The following SKP2 variants were observed in gnomAD, a reference collection of about 807,000 sequenced individuals.
SKP2 encodes the protein S-phase kinase-associated protein 2.
SKP2 carries 16 observed loss-of-function variants against 51.8 expected under a neutral mutation model. That is an observed-to-expected ratio of 0.31 (90% CI 0.21 to 0.47). SKP2 has a LOEUF of 0.47. SKP2 is among the 20% of genes least tolerant of loss of function. SKP2 has a pLI of 1.00. For missense variants in SKP2, 377 were observed against 505.3 expected (o/e 0.75, Z 2.43); for synonymous variants, 176 against 198.6 (o/e 0.89, Z 0.96).
chr5:36,176,312 A>G (rs903852659), intron 7 of SKP2, among the ~76,000 whole-genome samples: 1 of 151,784 alleles, frequency 6.6e-6, no homozygotes. Context: ...TACTTTTTAA[A>G]TTGTTTTAAT....
intron 3 of SKP2, among the ~76,000 whole-genome samples, chr5:36,165,634 T>C (rs1745259411): frequency 6.6e-6 from 1 of 152,324 alleles, no homozygotes; most frequent in Non-Finnish European, 1.5e-5. Context: ...TTTTTAATGA[T>C]AGATTTGTCA....
At chr5:36,164,997 A>G (rs1745242556) in intron 3 of SKP2, among the ~76,000 whole-genome samples, 1 of 152,188 alleles carries the variant, frequency 6.6e-6, no homozygotes, top group Non-Finnish European at 1.5e-5. Flanking sequence ...TGTATACTAT[A>G]TCTTGGGATG....
rs927696449 is a variant in SKP2, at chr5:36,182,018, C to T, written c.1262C>T (p.Pro421Leu). Residue 421 changes from proline (P) to leucine (L), a missense_variant, in exon 10 of 10, where the codon CCC becomes CTC. By Grantham distance (98) the Pro-to-Leu change is moderately conservative. Around this residue, in one of 2 missense-constraint regions of SKP2, gnomAD observed 262 missense variants for 389.8 expected, o/e 0.67. Coordinates refer to ENST00000274255, the MANE Select transcript of SKP2 (RefSeq NM_005983.4). ...AAATGCCGACTGACACTGCAAAAGC[C>T]CAGTTGTCTATGAAGTATTTATTGC... Reference protein sequence around the residue: ...GIKCRLTLQKPSCL With the variant: ...GIKCRLTLQKLSCL 1.2e-6 allele frequency: 2 copies of T among 1,614,034 alleles called. No individual in the cohort carries two copies. The highest frequency in any genetic ancestry group is 1.7e-6 in the Non-Finnish European group (2 of 1,179,970).
At chr5:36,163,305 C>T (rs1202516027) in intron 2 of SKP2, among the ~76,000 whole-genome samples, 1 of 152,100 alleles carries the variant, frequency 6.6e-6, no homozygotes, top group African/African-American at 2.4e-5. Flanking sequence ...CTCTTCATGC[C>T]ACAGCCTCCG....
intron 2 of SKP2, 151 bp from the exon 3 acceptor site, chr5:36,163,494 A>G: frequency 1.6e-6 from 1 of 615,076 alleles, no homozygotes; most frequent in Non-Finnish European, 3.0e-6. Flanking sequence ...TGATTTTTCA[A>G]ACAAAAATAA....
downstream of SKP2, among the ~76,000 whole-genome samples, chr5:36,186,360 GC>G (rs1475970396): frequency 6.6e-6 from 1 of 152,138 alleles, no homozygotes. Context: ...TCCAGTTTTT[GC>G]CCATTCAGTA....
At chr5:36,155,786 G>A (rs1579547303) in intron 2 of SKP2, among the ~76,000 whole-genome samples, 3 of 152,296 alleles carry the variant, frequency 2.0e-5, no homozygotes, top group South Asian at 4.1e-4. Context: ...TTTTGACATA[G>A]AGTGTGATTG....
chr5:36,162,592 C>T (rs1244512650), intron 2 of SKP2, among the ~76,000 whole-genome samples: 1 of 152,230 alleles, frequency 6.6e-6, no homozygotes, highest in Non-Finnish European at 1.5e-5. Flanking sequence ...TGTTTTGGGT[C>T]TGATTTACTA....
chr5:36,186,506 T>TG (rs1745957043), downstream of SKP2, among the ~76,000 whole-genome samples: 1 of 152,236 alleles, frequency 6.6e-6, no homozygotes, highest in Non-Finnish European at 1.5e-5. Context: ...GAGATAATCA[T>TG]GTGGTTTTTG....
Position 36,162,182 on chromosome 5 carries a change from C to T in SKP2, c.281-1463C>T, listed in dbSNP as rs182702371. On this transcript the variant is annotated intron_variant, in intron 2 of 9. Coordinates refer to ENST00000274255, the MANE Select transcript of SKP2 (RefSeq NM_005983.4). The stretch of plus-strand genomic sequence containing the variant: ...TCTAGTGGTGCCTCATAGAATTCAG[C>T]GTCAAAGCCAAAGGCTTTATCATGA... Among the ~76,000 whole-genome samples, 519 of 152,304 alleles carry T rather than the reference C, an allele frequency of 3.4e-3. 4 individuals are homozygous for T. Among genetic ancestry groups the T allele is most frequent in the Middle Eastern group, 6.8e-3 (2 of 294 alleles).
Position 36,152,873 on chromosome 5 carries a change from G to T in SKP2, c.111G>T (p.Gly37=), listed in dbSNP as rs1470689956. 2.5e-6 allele frequency: 4 copies of T among 1,614,080 alleles called. No homozygotes were observed. The highest frequency in any genetic ancestry group is 2.5e-6 in the Non-Finnish European group (3 of 1,180,030). Residue 37 remains glycine, a synonymous_variant, in exon 2 of 10, where the codon GGG becomes GGT. Coordinates refer to ENST00000274255, the MANE Select transcript of SKP2 (RefSeq NM_005983.4). ...SKTSELLSGM[G]VSALEKEEPD... ...CTTCTGAACTGCTGTCAGGCATGGGGGTCTCCGCCCTGGAGAAAGAGGAGC... is the reference window on the plus strand; with the variant it reads ...CTTCTGAACTGCTGTCAGGCATGGGTGTCTCCGCCCTGGAGAAAGAGGAGC...
intron 7 of SKP2, 49 bp downstream of exon 7, chr5:36,171,782 T>G: frequency 6.4e-7 from 1 of 1,567,928 alleles, no homozygotes; most frequent in Non-Finnish European, 8.8e-7. Context: ...ACATAATAGA[T>G]GAGATTCATT....
rs76622776 is a variant in SKP2, at chr5:36,165,106, A to G, written c.392+1350A>G. Reference sequence around the variant, plus strand: ...AGTTGTCATAAAAGTAATTACTGACATTTATTAAGCACTTGCTTTGTGACA... The same window carrying G: ...AGTTGTCATAAAAGTAATTACTGACGTTTATTAAGCACTTGCTTTGTGACA... On this transcript the variant is annotated intron_variant, in intron 3 of 9. Transcript: ENST00000274255. Among the ~76,000 whole-genome samples the G allele has an allele frequency of 3.4e-4, 52 of 152,334 alleles. No individual in the cohort carries two copies. In the East Asian group the frequency reaches 9.3e-3, roughly 27 times the overall value.
chr5:36,163,579 A>G (rs1745192509), intron 2 of SKP2, 66 bp from the exon 3 acceptor site: 3 of 965,280 alleles, frequency 3.1e-6, no homozygotes, highest in Non-Finnish European at 5.1e-6. Context: ...TATGTGTTTG[A>G]AAAGACTCAG....
intron 7 of SKP2, among the ~76,000 whole-genome samples, chr5:36,175,442 A>T (rs1382845895): frequency 6.6e-6 from 1 of 152,080 alleles, no homozygotes; most frequent in Non-Finnish European, 1.5e-5. Context: ...GAGACGAAAA[A>T]ACCCTCAAAT....
At chr5:36,169,799 G>C (rs1210982221) in intron 5 of SKP2, among the ~76,000 whole-genome samples, 3 of 152,176 alleles carry the variant, frequency 2.0e-5, no homozygotes, top group Non-Finnish European at 4.4e-5. Flanking sequence ...GACTGAGTAA[G>C]TCTTTTCCAG....
At chr5:36,178,060 CAT>C (rs558769565) in intron 9 of SKP2, among the ~76,000 whole-genome samples, 112 of 152,258 alleles carry the variant, frequency 7.4e-4, no homozygotes, top group African/African-American at 2.6e-3. Flanking sequence ...TCCTGGGAAT[CAT>C]ATCTTGTTTG....
At chr5:36,181,731 A>C in intron 9 of SKP2, 87 bp from the exon 10 acceptor site, 1 of 1,407,122 alleles carries the variant, frequency 7.1e-7, no homozygotes, top group Non-Finnish European at 9.8e-7. Flanking sequence ...TGTAGATGAC[A>C]CAAATTGTAA....
In SKP2 at chr5:36,182,673, A is replaced by G. The variant is rs1745849100; in HGVS notation, c.*642A>G. 1.0e-6 allele frequency: 1 copy of G among 976,226 alleles called. No individual in the cohort carries two copies. The highest frequency in any genetic ancestry group is 4.7e-5 in the South Asian group (1 of 21,054). The allele number at this position is 976,226 out of a possible 1,614,324, so 60.5% of individuals were successfully genotyped here. A position where few individuals can be genotyped will look rare whatever the true frequency, so the allele number is the denominator to read the frequency against. On this transcript the variant is annotated 3_prime_UTR_variant, in exon 10 of 10. Transcript: ENST00000274255. ...AAACCCAGAGATATAGAATCAATAT[A>G]GGATTTGAAGGCCCAGCAGACAGTT...
Sources: gnomAD v4.1 joint callset for allele counts (sites outside exome capture counted in the v4.1 genomes callset) on GRCh38, gnomAD v4.1.1 for gene constraint, gnomAD v4.1.1 regional missense constraint, MANE v1.5 for transcripts, NCBI Gene and HGNC (gene_info 2026-07-23, HGNC 2026-07-21) for gene names.